The following PLCXD1 variants were observed in gnomAD, a reference collection of about 807,000 sequenced individuals.
The protein encoded by PLCXD1 is PI-PLC X domain-containing protein 1.
Under a neutral mutation model 37.8 loss-of-function variants are expected in PLCXD1, and 45 were observed. The observed-to-expected ratio is 1.19, with a 90% CI of 0.94 to 1.53. PLCXD1 has a LOEUF of 1.53. Among genes scored for constraint, PLCXD1 ranks in the 40% most tolerant of loss-of-function variants. The pLI is 0.00. For synonymous variants in PLCXD1, 246 were observed against 206.9 expected, an observed-to-expected ratio of 1.19 and a Z score of -1.62; for missense variants, 539 against 454.7, an observed-to-expected ratio of 1.19 and a Z score of -1.69.
At chrX:289,910 C>A (rs143792767) in intron 3 of PLCXD1, among the ~76,000 whole-genome samples, 1 of 152,110 alleles carries the variant, frequency 6.6e-6, no homozygotes, top group Non-Finnish European at 1.5e-5. Flanking sequence ...CAGGCATCTG[C>A]TAGTCCCTGG....
In PLCXD1 at chrX:302,246, T is replaced by C. The variant is rs1469540189; in HGVS notation, c.*2911T>C. The C allele has an allele frequency of 5.3e-5, 5 of 94,608 alleles. No individual in the cohort carries two copies. The South Asian group carries it at 2.7e-3, about 50-fold the overall frequency. The allele number at this position is 94,608 out of a possible 1,614,324, so 5.9% of individuals were successfully genotyped here. A position where few individuals can be genotyped will look rare whatever the true frequency, so the allele number is the denominator to read the frequency against. On this transcript the variant is annotated 3_prime_UTR_variant, in exon 7 of 7. Coordinates refer to ENST00000381657, the MANE Select transcript of PLCXD1 (RefSeq NM_018390.4). The stretch of plus-strand genomic sequence containing the variant: ...GCTAGTCCCGGTCACCTCCGTGAAT[T>C]AAAGTCCTACAGGTACAAGGGAGAC...
chrX:295,201 G>A (rs1353492468), intron 6 of PLCXD1, among the ~76,000 whole-genome samples: 3 of 151,792 alleles, frequency 2.0e-5, no homozygotes, highest in East Asian at 1.9e-4. Context: ...TTTTTTGTAC[G>A]TGAATTTCAC....
At chrX:296,665 C>G (rs1290033513) in intron 6 of PLCXD1, among the ~76,000 whole-genome samples, 2 of 152,234 alleles carry the variant, frequency 1.3e-5, no homozygotes, top group African/African-American at 4.8e-5. Flanking sequence ...CAACGTCAAC[C>G]CTCTCTATAA....
chrX:295,588 G>T (rs1351266724), intron 6 of PLCXD1, among the ~76,000 whole-genome samples: 3 of 150,896 alleles, frequency 2.0e-5, no homozygotes, highest in Non-Finnish European at 4.4e-5. Flanking sequence ...GCAGTGGCGC[G>T]ATCTCGGCTC....
At chrX:283,357 C>A (rs2124312989) in intron 1 of PLCXD1, 1 of 151,968 alleles carries the variant, frequency 6.6e-6, no homozygotes, top group South Asian at 2.1e-4. Context: ...GGAGACCAGC[C>A]CGTGTTATAC....
chrX:279,052 G>C (rs2069209740), upstream of PLCXD1, among the ~76,000 whole-genome samples: 1 of 152,104 alleles, frequency 6.6e-6, no homozygotes, highest in Admixed American at 6.6e-5. Flanking sequence ...TAGGAGTTGG[G>C]TAGGTAATGG....
At chrX:279,292 G>C (rs1203984264), upstream of PLCXD1, among the ~76,000 whole-genome samples, 2 of 152,168 alleles carry the variant, frequency 1.3e-5, no homozygotes, top group African/African-American at 4.8e-5. Context: ...GGCTGCTCCA[G>C]ACTTCTTGGC....
In PLCXD1 at chrX:288,849, C is replaced by T. The variant is rs761817344; in HGVS notation, c.244C>T (p.Leu82=). 1.9e-6 allele frequency: 3 copies of T among 1,612,782 alleles called. No individual in the cohort carries two copies. Among genetic ancestry groups the T allele is most frequent in the Non-Finnish European group, 1.7e-6 (2 of 1,179,822 alleles). Residue 82 remains leucine (L), a synonymous_variant, in exon 3 of 7, where the codon CTG becomes TTG. Transcript: ENST00000381657. ...ALPCITRPVV[L]KWSVTQALDV... ...GCCCTGCATCACGCGCCCTGTCGTG[C>T]TGAAATGGTCCGTCACCCAGGTACG...
At chrX:296,805 G>A (rs1602908780) in intron 6 of PLCXD1, among the ~76,000 whole-genome samples, 1 of 152,114 alleles carries the variant, frequency 6.6e-6, no homozygotes, top group Non-Finnish European at 1.5e-5. Context: ...TTAGGACGTG[G>A]ACATCTTTGG....
At chrX:292,384 G>A (rs954093936) in intron 5 of PLCXD1, among the ~76,000 whole-genome samples, 6 of 151,944 alleles carry the variant, frequency 3.9e-5, no homozygotes, top group African/African-American at 1.2e-4. Context: ...GTGTGAACCC[G>A]GGGGGTGGAG....
chrX:293,399 G>A (rs1195235073), intron 6 of PLCXD1, among the ~76,000 whole-genome samples, 181 bp downstream of exon 6: 2 of 152,156 alleles, frequency 1.3e-5, no homozygotes, highest in African/African-American at 4.8e-5. Flanking sequence ...CGAGGCGGGT[G>A]GATCACCTGA....
At chrX:292,984 G>T in intron 5 of PLCXD1, 51 bp from the exon 6 acceptor site, 1 of 1,301,390 alleles carries the variant, frequency 7.7e-7, no homozygotes, top group Non-Finnish European at 1.1e-6. Context: ...TCTCCCAGGT[G>T]CCCCCGGCTC....
At chrX:281,261 G>T (rs890739623), upstream of PLCXD1, 73 of 187,110 alleles carry the variant, frequency 3.9e-4, 1 homozygote, top group Non-Finnish European at 6.9e-4. Context: ...GTACAGGTGT[G>T]GTTGCTTCTC....
intron 4 of PLCXD1, among the ~76,000 whole-genome samples, chrX:291,000 G>A (rs901083226): frequency 1.3e-5 from 2 of 150,810 alleles, no homozygotes; most frequent in Admixed American, 6.6e-5. Flanking sequence ...GGGGGACGGC[G>A]GGAGGTGGCC....
intron 6 of PLCXD1, among the ~76,000 whole-genome samples, chrX:295,094 C>T (rs1304130830): frequency 2.7e-5 from 4 of 146,798 alleles, no homozygotes; most frequent in East Asian, 4.3e-4. Context: ...TGCTTGAACC[C>T]GGGGGCGGAG....
chrX:284,082 G>T (rs1170372847), intron 1 of PLCXD1, 85 bp from the exon 2 acceptor site: 6 of 1,039,532 alleles, frequency 5.8e-6, no homozygotes, highest in Non-Finnish European at 8.8e-6. Flanking sequence ...GTAGAGATGG[G>T]GTTTTGTCAA....
chrX:289,510 C>CTTTTT lies in PLCXD1; in HGVS notation c.264+642_264+646dup, dbSNP rs1281823641. Among the ~76,000 whole-genome samples the CTTTTT allele has an allele frequency of 1.1e-3, 112 of 97,726 alleles. 7 individuals carry two copies. The highest frequency in any genetic ancestry group is 1.1e-3 in the East Asian group (4 of 3,720). The allele number at this position is 97,726 out of a possible 152,430, so 64.1% of individuals were successfully genotyped here. A position where few individuals can be genotyped will look rare whatever the true frequency, so the allele number is the denominator to read the frequency against. On this transcript the variant is annotated intron_variant, in intron 3 of 6. Coordinates refer to ENST00000381657, the MANE Select transcript of PLCXD1 (RefSeq NM_018390.4). ...AGAGACAACACCTTTCTTTTTCTTTCTTTTTCTTTTTTTTTTTTTTGAGAC... is the reference window on the plus strand; with the variant it reads ...AGAGACAACACCTTTCTTTTTCTTTCTTTTTTTTTTCTTTTTTTTTTTTTTGAGAC...
rs1326056520 is a variant in PLCXD1 at position 283,881 on chromosome X, T to C, written c.-21-286T>C. The C allele has an allele frequency of 3.1e-4, 78 of 248,574 alleles. 1 individual carries two copies. Among genetic ancestry groups the C allele is most frequent in the South Asian group, 5.2e-4 (7 of 13,466 alleles). 15.4% of individuals were successfully genotyped at this position (248,574 alleles called of 1,614,324 possible). A position where few individuals can be genotyped will look rare whatever the true frequency, so the allele number is the denominator to read the frequency against. ...CCCTTTTCCTCTCTCTCTCTCTCTTTTTTTTTTTTCTTTTTTGGATATGGA... is the reference window on the plus strand; with the variant it reads ...CCCTTTTCCTCTCTCTCTCTCTCTTCTTTTTTTTTCTTTTTTGGATATGGA... On this transcript the variant is annotated intron_variant, in intron 1 of 6. Coordinates refer to ENST00000381657, the MANE Select transcript of PLCXD1 (RefSeq NM_018390.4).
At chrX:283,967 C>T (rs2124318370) in intron 1 of PLCXD1, 200 bp from the exon 2 acceptor site, 1 of 542,142 alleles carries the variant, frequency 1.8e-6, no homozygotes, top group East Asian at 3.2e-5. Context: ...CTGTAACCTC[C>T]ACCTCCCGGG....
Sources: gnomAD v4.1 joint callset for allele counts (sites outside exome capture counted in the v4.1 genomes callset) on GRCh38, gnomAD v4.1.1 for gene constraint, MANE v1.5 for transcripts, NCBI Gene and HGNC (gene_info 2026-07-23, HGNC 2026-07-21) for gene names.